Variants in FSTL1 observed in about 807,000 individuals in gnomAD.
FSTL1 encodes the protein follistatin like 1.
Under a neutral mutation model 45.9 loss-of-function variants are expected in FSTL1, and 24 were observed. The ratio of observed to expected loss-of-function variants is 0.52; its 90% CI spans 0.38 to 0.74. The LOEUF (loss-of-function observed/expected upper bound fraction) is 0.74, where lower values mean the gene tolerates loss of function less well. FSTL1 is among the 30% of genes least tolerant of loss of function. FSTL1 has a pLI of 0.00. For missense variants in FSTL1, 340 were observed against 381.8 expected (o/e 0.89, Z 0.91); for synonymous variants, 120 against 137.6 (o/e 0.87, Z 0.89).
At chr3:120,438,852 A>C (rs1937598896) in intron 2 of FSTL1, among the ~76,000 whole-genome samples, 3 of 152,184 alleles carry the variant, frequency 2.0e-5, no homozygotes. Flanking sequence ...ACTCAGCCAC[A>C]GTTTCAGTCA....
intron 2 of FSTL1, among the ~76,000 whole-genome samples, chr3:120,450,472 C>A (rs1311625157): frequency 6.6e-6 from 1 of 152,172 alleles, no homozygotes; most frequent in African/African-American, 2.4e-5. Flanking sequence ...CGCGGCGGGG[C>A]TCCCGCTTAC....
chr3:120,398,699 A>G (rs1936756869), intron 10 of FSTL1, among the ~76,000 whole-genome samples: 1 of 152,180 alleles, frequency 6.6e-6, no homozygotes, highest in Admixed American at 6.5e-5. Flanking sequence ...CAAATAAACT[A>G]TGTGTACTTG....
intron 3 of FSTL1, among the ~76,000 whole-genome samples, chr3:120,412,365 A>G (rs1937074065): frequency 6.6e-6 from 1 of 152,230 alleles, no homozygotes; most frequent in African/African-American, 2.4e-5. Flanking sequence ...CTTGTGGATG[A>G]GGTTAAGAAG....
At chr3:120,417,228 C>G (rs138082668) in intron 2 of FSTL1, among the ~76,000 whole-genome samples, 1 of 152,202 alleles carries the variant, frequency 6.6e-6, no homozygotes, top group Admixed American at 6.5e-5. Flanking sequence ...CTCACACCCA[C>G]AAGTCTTGTA....
rs11361184 is a variant in FSTL1 at position 120,401,585 on chromosome 3, CTT to C, written c.805+1221_805+1222del. The stretch of plus-strand genomic sequence containing the variant: ...GACACAGTTAACTTCTTAAAATAAA[CTT>C]TTTTTTTTTTTTTAAGACAAGGTCT... On this transcript the variant is annotated intron_variant, in intron 9 of 10. Transcript: ENST00000295633. 2.2e-3 allele frequency among the ~76,000 whole-genome samples: 326 copies of C among 146,590 alleles called. 1 individual carries two copies. The highest frequency in any genetic ancestry group is 4.6e-3 in the African/African-American group (183 of 39,694).
chr3:120,411,920 C>T lies in FSTL1; in HGVS notation c.232G>A (p.Glu78Lys). The T allele has an allele frequency of 6.2e-7, 1 of 1,613,526 alleles. No individual in the cohort carries two copies. The highest frequency in any genetic ancestry group is 8.5e-7 in the Non-Finnish European group (1 of 1,179,412). ...SNGKTYLNHC[E>K]LHRDACLTGS... is the part of the protein sequence containing the mutation. Reference sequence around the variant, plus strand: ...GTGAGGCAGGCATCTCGATGCAGTTCACAGTGGTTGAGGTAGGTCTTGCCA... The same window carrying T: ...GTGAGGCAGGCATCTCGATGCAGTTTACAGTGGTTGAGGTAGGTCTTGCCA... Residue 78 changes from glutamate (E) to lysine (K), a missense_variant, in exon 4 of 11, where the codon GAA (glutamate) becomes AAA (lysine). By Grantham distance (56) the Glu-to-Lys change is moderately conservative (BLOSUM62 1). Coordinates refer to ENST00000295633, the MANE Select transcript of FSTL1 (RefSeq NM_007085.5).
chr3:120,446,676 G>A (rs560687716), intron 2 of FSTL1, among the ~76,000 whole-genome samples: 1 of 152,194 alleles, frequency 6.6e-6, no homozygotes, highest in Non-Finnish European at 1.5e-5. Flanking sequence ...TAGATGCAAG[G>A]CTTACTTGAG....
chr3:120,400,335 T>G (rs1313947074), intron 9 of FSTL1, among the ~76,000 whole-genome samples: 2 of 152,238 alleles, frequency 1.3e-5, no homozygotes, highest in Non-Finnish European at 2.9e-5. Flanking sequence ...GGAGAACATT[T>G]GAAAAGATAG....
At chr3:120,449,444 C>T (rs896077804) in intron 2 of FSTL1, among the ~76,000 whole-genome samples, 1 of 152,182 alleles carries the variant, frequency 6.6e-6, no homozygotes, top group African/African-American at 2.4e-5. Context: ...AAATCCCACC[C>T]TTAGCATTTA....
Position 120,448,054 on chromosome 3 carries a change from C to T in FSTL1, c.63+2630G>A, listed in dbSNP as rs553663781. On this transcript the variant is annotated intron_variant, in intron 2 of 10. Transcript: ENST00000295633. ...ATCACCTTTTCCCAAGTGGAGAGCA[C>T]CTCTGATTCTGGTTTACTACAGAGG... 2.6e-5 allele frequency among the ~76,000 whole-genome samples: 4 copies of T among 152,282 alleles called. No homozygotes were observed. The East Asian group carries it at 7.7e-4, about 29-fold the overall frequency.
intron 8 of FSTL1, 36 bp from the exon 9 acceptor site, chr3:120,402,954 G>C (rs146464696): frequency 1.5e-6 from 2 of 1,344,472 alleles, no homozygotes; most frequent in East Asian, 4.6e-5. Context: ...CAGTTTAGCT[G>C]TGAGGGTGGA....
chr3:120,416,808 G>C (rs935381346), intron 2 of FSTL1, among the ~76,000 whole-genome samples: 1 of 152,174 alleles, frequency 6.6e-6, no homozygotes, highest in African/African-American at 2.4e-5. Context: ...TTGCTAGTCA[G>C]GCATTCCCCT....
intron 2 of FSTL1, among the ~76,000 whole-genome samples, chr3:120,444,844 T>G (rs996829587): frequency 6.7e-6 from 1 of 149,932 alleles, no homozygotes; most frequent in Admixed American, 6.6e-5. Flanking sequence ...CTGGGGGGTG[T>G]GTGCTTTTTA....
At chr3:120,403,920 C>CAAAAAAAAAAAAAAAAAAAAA (rs34145564) in intron 7 of FSTL1, among the ~76,000 whole-genome samples, 3 of 52,146 alleles carry the variant, frequency 5.8e-5, no homozygotes, top group Non-Finnish European at 9.7e-5. Flanking sequence ...GACTCCGTCT[C>CAAAAAAAAAAAAAAAAAAAAA]AAAAAAAAAA....
At chr3:120,445,898 G>A (rs1937728571) in intron 2 of FSTL1, among the ~76,000 whole-genome samples, 1 of 149,878 alleles carries the variant, frequency 6.7e-6, no homozygotes, top group Non-Finnish European at 1.5e-5. Flanking sequence ...GTGAAGGGAA[G>A]GCCACGCCAT....
chr3:120,430,291 G>A (rs1031210933), intron 2 of FSTL1, among the ~76,000 whole-genome samples: 2 of 152,162 alleles, frequency 1.3e-5, no homozygotes, highest in African/African-American at 4.8e-5. Context: ...GACTCAGGCT[G>A]GTGGTGACCC....
At chr3:120,400,006 A>G in intron 9 of FSTL1, 47 bp from the exon 10 acceptor site, 1 of 1,310,148 alleles carries the variant, frequency 7.6e-7, no homozygotes, top group Non-Finnish European at 1.1e-6. Flanking sequence ...GTGGTAAGCC[A>G]GTGAGGAATC....
intron 2 of FSTL1, among the ~76,000 whole-genome samples, chr3:120,436,780 C>T (rs1035321014): frequency 2.0e-5 from 3 of 152,060 alleles, no homozygotes; most frequent in African/African-American, 7.2e-5. Flanking sequence ...TCAGCCTGTC[C>T]CTGTAGCACC....
intron 2 of FSTL1, among the ~76,000 whole-genome samples, chr3:120,424,272 A>T (rs896620157): frequency 6.6e-6 from 1 of 152,216 alleles, no homozygotes; most frequent in Non-Finnish European, 1.5e-5. Context: ...ACTGCACTCC[A>T]GCCTGGGTGA....
Sources: allele counts gnomAD v4.1 joint callset (sites outside exome capture counted in the v4.1 genomes callset), GRCh38; gene constraint gnomAD v4.1.1; transcripts MANE v1.5; gene names NCBI Gene and HGNC (gene_info 2026-07-23, HGNC 2026-07-21).